The following ABCC4 variants were observed in gnomAD, a reference collection of about 807,000 sequenced individuals.
ABCC4 encodes the protein ATP binding cassette subfamily C member 4 (PEL blood group).
A neutral mutation model predicts 168.5 loss-of-function variants in ABCC4; 102 were observed. That is an observed-to-expected ratio of 0.61 (90% confidence interval 0.52 to 0.71). ABCC4 has a LOEUF of 0.71. ABCC4 is among the 30% of genes least tolerant of loss of function. ABCC4 has a pLI of 0.00. For missense variants in ABCC4, 1,402 were observed against 1,605.8 expected, an observed-to-expected ratio of 0.87 and a Z score of 2.17; for synonymous variants, 617 against 590.7, an observed-to-expected ratio of 1.04 and a Z score of -0.65.
At chr13:95,140,432 TACC>T (rs2036282539) in intron 19 of ABCC4, among the ~76,000 whole-genome samples, 5 of 152,214 alleles carry the variant, frequency 3.3e-5, no homozygotes, top group African/African-American at 1.2e-4. Flanking sequence ...CCAAAAACTG[TACC>T]AGGGTAGTGG....
At chr13:95,027,095 G>T (rs781740290) in intron 30 of ABCC4, among the ~76,000 whole-genome samples, 12 of 152,068 alleles carry the variant, frequency 7.9e-5, no homozygotes, top group Non-Finnish European at 1.6e-4. Flanking sequence ...AGGATAACAT[G>T]TGCAGAACGT....
chr13:95,036,644 T>C (rs1303139380), intron 29 of ABCC4, among the ~76,000 whole-genome samples: 1 of 152,204 alleles, frequency 6.6e-6, no homozygotes, highest in Non-Finnish European at 1.5e-5. Flanking sequence ...TGCATTTTAT[T>C]TGTTAGGAGA....
chr13:95,158,525 T>G (rs1295388152), intron 19 of ABCC4, among the ~76,000 whole-genome samples: 1 of 152,098 alleles, frequency 6.6e-6, no homozygotes, highest in Non-Finnish European at 1.5e-5. Context: ...TTCCTAAGTT[T>G]TCTAAAACCT....
At chr13:95,045,448 A>G (rs975743787) in intron 27 of ABCC4, among the ~76,000 whole-genome samples, 1 of 152,182 alleles carries the variant, frequency 6.6e-6, no homozygotes, top group African/African-American at 2.4e-5. Context: ...TCCTTTCCCA[A>G]GTTTAAGCCC....
intron 24 of ABCC4, among the ~76,000 whole-genome samples, chr13:95,072,365 G>A (rs955937506): frequency 2.0e-5 from 3 of 152,144 alleles, no homozygotes; most frequent in Non-Finnish European, 1.5e-5. Flanking sequence ...GGAGGCTGAG[G>A]CAGGAAAATC....
intron 3 of ABCC4, among the ~76,000 whole-genome samples, chr13:95,235,320 T>C (rs1462105141): frequency 6.6e-6 from 1 of 152,222 alleles, no homozygotes; most frequent in Non-Finnish European, 1.5e-5. Context: ...AAAATTCTAA[T>C]TTCAAAGTCA....
In ABCC4 at chr13:95,021,133, T is replaced by C. The variant is rs1387863202; in HGVS notation, c.*442A>G. On this transcript the variant is annotated 3_prime_UTR_variant, in exon 31 of 31. Coordinates refer to ENST00000645237, the MANE Select transcript of ABCC4 (RefSeq NM_005845.5). ...CTTCAGGGGAAATAATGGATCCTAGTTATGTCAAAGAAAACAATGAGACAA... is the reference window on the plus strand; with the variant it reads ...CTTCAGGGGAAATAATGGATCCTAGCTATGTCAAAGAAAACAATGAGACAA... The C allele has an allele frequency of 6.4e-6, 1 of 155,332 alleles. No individual in the cohort carries two copies. The highest frequency in any genetic ancestry group is 1.4e-5 in the Non-Finnish European group (1 of 70,120). The allele number at this position is 155,332 out of a possible 1,614,324, so 9.6% of individuals were successfully genotyped here. A position where few individuals can be genotyped will look rare whatever the true frequency, so the allele number is the denominator to read the frequency against.
intron 1 of ABCC4, among the ~76,000 whole-genome samples, chr13:95,294,068 C>T (rs376123935): frequency 5.9e-5 from 9 of 152,228 alleles, no homozygotes; most frequent in African/African-American, 1.4e-4. Context: ...AGCTATTAAA[C>T]AAGCCCTGAT....
At chr13:95,195,029 A>C (rs527606250) in intron 8 of ABCC4, 92 bp from the exon 9 acceptor site, 1 of 997,534 alleles carries the variant, frequency 1.0e-6, no homozygotes, top group African/African-American at 1.6e-5. Flanking sequence ...GTAACATAAA[A>C]CTTTATACAG....
chr13:95,241,400 G>A (rs1399037671), intron 3 of ABCC4, among the ~76,000 whole-genome samples: 6 of 150,106 alleles, frequency 4.0e-5, no homozygotes, highest in African/African-American at 1.5e-4. Flanking sequence ...ATTTCTCAAA[G>A]AAACATTTAG....
intron 14 of ABCC4, 81 bp downstream of exon 14, chr13:95,170,451 G>T: frequency 3.8e-6 from 3 of 781,122 alleles, no homozygotes; most frequent in Non-Finnish European, 6.2e-6. Flanking sequence ...GAGAAGAAAG[G>T]AACATGAAAT....
intron 20 of ABCC4, among the ~76,000 whole-genome samples, chr13:95,093,722 G>T (rs1461998324): frequency 1.3e-5 from 2 of 152,068 alleles, no homozygotes; most frequent in Non-Finnish European, 2.9e-5. Context: ...GAAATAAAGG[G>T]CATCCAAATT....
At chr13:95,125,172 C>A (rs2035714395) in intron 19 of ABCC4, among the ~76,000 whole-genome samples, 1 of 152,102 alleles carries the variant, frequency 6.6e-6, no homozygotes, top group Admixed American at 6.6e-5. Context: ...TGACTCATAC[C>A]CAGCTCCTGG....
intron 20 of ABCC4, among the ~76,000 whole-genome samples, chr13:95,108,596 G>A (rs2035088050): frequency 6.6e-6 from 1 of 152,006 alleles, no homozygotes; most frequent in Non-Finnish European, 1.5e-5. Context: ...CACCATGTGA[G>A]GCCTCCCCAG....
At chr13:95,112,932 C>T (rs757263300) in intron 20 of ABCC4, among the ~76,000 whole-genome samples, 8 of 152,116 alleles carry the variant, frequency 5.3e-5, no homozygotes, top group Non-Finnish European at 1.2e-4. Flanking sequence ...ATGTTAAACA[C>T]AAAGTCATCC....
intron 30 of ABCC4, among the ~76,000 whole-genome samples, chr13:95,031,341 C>T (rs1054662630): frequency 7.2e-5 from 11 of 152,302 alleles, no homozygotes; most frequent in African/African-American, 2.4e-4. Flanking sequence ...CGACTAGCTG[C>T]ATCTTGGATA....
intron 1 of ABCC4, among the ~76,000 whole-genome samples, chr13:95,287,912 T>C (rs2041299755): frequency 6.6e-6 from 1 of 151,324 alleles, no homozygotes; most frequent in Non-Finnish European, 1.5e-5. Context: ...CATGGTGGCA[T>C]GCACCTATAG....
intron 8 of ABCC4, among the ~76,000 whole-genome samples, chr13:95,195,777 G>A (rs2038397261): frequency 6.6e-6 from 1 of 152,032 alleles, no homozygotes. Context: ...GGGATTACAG[G>A]TGTCTGCCAC....
intron 11 of ABCC4, among the ~76,000 whole-genome samples, chr13:95,179,771 C>CA (rs2037829446): frequency 6.6e-6 from 1 of 152,272 alleles, no homozygotes; most frequent in Admixed American, 6.5e-5. Context: ...TCTACTCTGA[C>CA]AAAGCCGGGG....
Sources: gnomAD v4.1 joint callset for allele counts (sites outside exome capture counted in the v4.1 genomes callset) on GRCh38, gnomAD v4.1.1 for gene constraint, MANE v1.5 for transcripts, NCBI Gene and HGNC (gene_info 2026-07-23, HGNC 2026-07-21) for gene names.